ADAM23: variants seen among roughly 807,000 people sequenced by gnomAD.
ADAM23 encodes ADAM metallopeptidase domain 23.
A neutral mutation model predicts 120.1 loss-of-function variants in ADAM23; 33 were observed. The ratio of observed to expected loss-of-function variants is 0.27; its 90% confidence interval spans 0.21 to 0.37. The LOEUF (loss-of-function observed/expected upper bound fraction) is 0.37, where lower values mean the gene tolerates loss of function less well. ADAM23 is among the 10% of genes least tolerant of loss of function. The pLI is 1.00. For synonymous variants in ADAM23, 367 were observed against 375.2 expected (o/e 0.98, Z 0.25); for missense variants, 862 against 1,058.2 (o/e 0.81, Z 2.57).
At chr2:206,446,478 G>A (rs544046483) in intron 2 of ADAM23, among the ~76,000 whole-genome samples, 17 of 152,240 alleles carry the variant, frequency 1.1e-4, no homozygotes, top group African/African-American at 3.6e-4. Context: ...GAAAGTATCT[G>A]CAGTTTACAT....
chr2:206,578,748 G>A (rs1309438666), intron 18 of ADAM23, among the ~76,000 whole-genome samples: 1 of 151,928 alleles, frequency 6.6e-6, no homozygotes, highest in African/African-American at 2.4e-5. Context: ...TTTTCCTCGG[G>A]GTAGATACCC....
intron 6 of ADAM23, among the ~76,000 whole-genome samples, chr2:206,545,620 A>C (rs1697382843): frequency 6.6e-6 from 1 of 152,196 alleles, no homozygotes; most frequent in African/African-American, 2.4e-5. Flanking sequence ...GTAAATTTCA[A>C]AGTTGATGCA....
chr2:206,541,985 A>C, intron 4 of ADAM23, 67 bp from the exon 5 acceptor site: 1 of 1,520,698 alleles, frequency 6.6e-7, no homozygotes, highest in Non-Finnish European at 9.1e-7. Context: ...TTTTTGCTTT[A>C]TGGAAGCACC....
chr2:206,445,720 C>G (rs754602067), intron 2 of ADAM23, among the ~76,000 whole-genome samples, 196 bp downstream of exon 2: 50 of 152,204 alleles, frequency 3.3e-4, no homozygotes, highest in Non-Finnish European at 5.7e-4. Context: ...TCTTCTCTGA[C>G]TAAACTGGAA....
chr2:206,498,210 A>G (rs1355984848), intron 3 of ADAM23, among the ~76,000 whole-genome samples: 1 of 152,228 alleles, frequency 6.6e-6, no homozygotes, highest in Admixed American at 6.5e-5. Flanking sequence ...CTAAGCCAAA[A>G]GAACAAAGCT....
rs149755683 is a variant in ADAM23 at position 206,567,251 on chromosome 2, T to G, written c.1423T>G (p.Cys475Gly). The change falls in exon 15 of 26, where the codon TGC (cysteine) becomes GGC (glycine). Residue 475 changes from cysteine (C) to glycine (G), a missense_variant. Physicochemically the swap from Cys to Gly is radical, Grantham distance 159. Around this residue, in one of 4 missense-constraint regions of ADAM23, gnomAD observed 617 missense variants for 813.5 expected, o/e 0.76. Transcript: ENST00000264377. Reference protein sequence around the residue: ...GVSHSRKFSKCSILEYRDFLQ... With the variant: ...GVSHSRKFSKGSILEYRDFLQ... ...GTCCCATTCTCGAAAATTTTCAAAGTGCAGCATTTTGGAGTATAGAGACTT... is the reference window on the plus strand; with the variant it reads ...GTCCCATTCTCGAAAATTTTCAAAGGGCAGCATTTTGGAGTATAGAGACTT... 6.2e-7 allele frequency: 1 copy of G among 1,613,794 alleles called. No homozygotes were observed. Among genetic ancestry groups the G allele is most frequent in the Non-Finnish European group, 8.5e-7 (1 of 1,179,854 alleles).
At chr2:206,591,112 G>A (rs1042768261) in intron 21 of ADAM23, among the ~76,000 whole-genome samples, 8 of 152,206 alleles carry the variant, frequency 5.3e-5, no homozygotes, top group African/African-American at 1.9e-4. Flanking sequence ...CGAGTGGATC[G>A]CTTGAGTCCA....
At chr2:206,609,061 TGA>T (rs1698782089) in intron 24 of ADAM23, among the ~76,000 whole-genome samples, 1 of 152,118 alleles carries the variant, frequency 6.6e-6, no homozygotes, top group South Asian at 2.1e-4. Context: ...AGGAGAGGAG[TGA>T]GCGAGTGGAC....
At chr2:206,540,216 TACACACACACACACACACAC>T (rs71034461) in intron 4 of ADAM23, among the ~76,000 whole-genome samples, 1,802 of 131,934 alleles carry the variant, frequency 0.014, 19 homozygotes, top group Middle Eastern at 0.043. Context: ...CCCTTCACTG[TACACACACACACACACACAC>T]ACACACACAC....
At chr2:206,576,403 A>G (rs1012953140) in intron 18 of ADAM23, among the ~76,000 whole-genome samples, 3 of 152,086 alleles carry the variant, frequency 2.0e-5, no homozygotes, top group South Asian at 2.1e-4. Flanking sequence ...CTAATATTCT[A>G]TTGTCTAAGT....
intron 2 of ADAM23, among the ~76,000 whole-genome samples, chr2:206,473,605 C>T (rs1336941162): frequency 1.1e-4 from 14 of 130,114 alleles, no homozygotes; most frequent in Admixed American, 5.6e-4. Context: ...ATAATAACAA[C>T]AACAACAACA....
intron 3 of ADAM23, among the ~76,000 whole-genome samples, chr2:206,496,511 G>A (rs971213628): frequency 1.3e-5 from 2 of 152,006 alleles, no homozygotes; most frequent in African/African-American, 4.8e-5. Context: ...AGTGTGTAGA[G>A]GGAAATTTAT....
At chr2:206,582,348 T>C (rs982536645) in intron 18 of ADAM23, among the ~76,000 whole-genome samples, 6 of 152,342 alleles carry the variant, frequency 3.9e-5, no homozygotes, top group African/African-American at 1.4e-4. Context: ...TTGTCTGATA[T>C]AAGAATAGCT....
At chr2:206,599,178 C>G (rs1698588525) in intron 24 of ADAM23, among the ~76,000 whole-genome samples, 1 of 147,712 alleles carries the variant, frequency 6.8e-6, no homozygotes, top group South Asian at 2.1e-4. Context: ...GTACTCCAGC[C>G]TGGGTAACAG....
rs996770077 is a variant in ADAM23, at chr2:206,619,302, G to A, written c.*1675G>A. The stretch of plus-strand genomic sequence containing the variant: ...TGCAGATGTAATCTGGGCTTTCCAA[G>A]TCCCTCTGAGTTTCCTTCACTTTTA... On this transcript the variant is annotated 3_prime_UTR_variant, in exon 26 of 26. Coordinates refer to ENST00000264377, the MANE Select transcript of ADAM23 (RefSeq NM_003812.4). 3 of 152,120 alleles carry A rather than the reference G, an allele frequency of 2.0e-5. No homozygotes were observed. Among genetic ancestry groups the A allele is most frequent in the Non-Finnish European group, 4.4e-5 (3 of 68,036 alleles). The allele number at this position is 152,120 out of a possible 1,614,324, so 9.4% of individuals were successfully genotyped here. A position where few individuals can be genotyped will look rare whatever the true frequency, so the allele number is the denominator to read the frequency against.
chr2:206,503,366 G>A (rs1310217329), intron 3 of ADAM23, among the ~76,000 whole-genome samples: 1 of 152,106 alleles, frequency 6.6e-6, no homozygotes, highest in Non-Finnish European at 1.5e-5. Flanking sequence ...AGGAGATAAT[G>A]AAGTGAGAAA....
At chr2:206,538,636 G>A (rs1417226118) in intron 4 of ADAM23, among the ~76,000 whole-genome samples, 1 of 152,188 alleles carries the variant, frequency 6.6e-6, no homozygotes, top group African/African-American at 2.4e-5. Flanking sequence ...AGAACTGGCT[G>A]ATGGAACTTT....
chr2:206,613,261 G>A (rs1170922554), intron 25 of ADAM23, among the ~76,000 whole-genome samples: 5 of 152,144 alleles, frequency 3.3e-5, no homozygotes, highest in South Asian at 4.2e-4. Context: ...GTTTCTCCAC[G>A]TTGGCCAGGC....
chr2:206,449,487 G>C (rs993572061), intron 2 of ADAM23, among the ~76,000 whole-genome samples: 5 of 152,200 alleles, frequency 3.3e-5, no homozygotes, highest in Non-Finnish European at 7.3e-5. Context: ...TACTTGTCCT[G>C]CTGGGCGTGG....
Sources: allele counts gnomAD v4.1 joint callset (sites outside exome capture counted in the v4.1 genomes callset), GRCh38; gene constraint gnomAD v4.1.1; regional missense constraint gnomAD v4.1.1; transcripts MANE v1.5; gene names NCBI Gene and HGNC (gene_info 2026-07-23, HGNC 2026-07-21).